Variants in SRSF12 observed in about 807,000 individuals in gnomAD.
SRSF12 encodes serine and arginine rich splicing factor 12, also known as serine/arginine-rich splicing factor 12.
Under a neutral mutation model 34.1 loss-of-function variants are expected in SRSF12, and 21 were observed. The ratio of observed to expected loss-of-function variants is 0.62; its 90% CI spans 0.44 to 0.89. The LOEUF (loss-of-function observed/expected upper bound fraction) is 0.89. SRSF12 is among the 40% of genes least tolerant of loss of function. The pLI is 0.00. For missense variants in SRSF12, 278 were observed against 327.8 expected, an observed-to-expected ratio of 0.85 and a Z score of 1.17; for synonymous variants, 111 against 110.8, an observed-to-expected ratio of 1.00 and a Z score of -0.01.
At chr6:89,106,872 G>A (rs548659258) in intron 2 of SRSF12, 4 of 444,446 alleles carry the variant, frequency 9.0e-6, no homozygotes, top group Non-Finnish European at 1.7e-5. Context: ...CCTCTTCCAG[G>A]TCTTTATATC....
At chr6:89,114,475 T>C (rs12661431) in intron 1 of SRSF12, among the ~76,000 whole-genome samples, 9,566 of 152,218 alleles carry the variant, frequency 0.063, 875 homozygotes, top group African/African-American at 0.2. Context: ...ATAGGGTTAC[T>C]GCGAAAATTT....
rs749373281 is a variant in SRSF12, at chr6:89,117,911, G to C, written c.-24C>G. ...ATGACCGCTTCCTCCGTTCCCTCCG[G>C]GTCTGCCCGCGGCCGCTGGACTCGC... is the stretch of plus-strand genomic sequence containing the variant. On this transcript the variant is annotated 5_prime_UTR_variant, in exon 1 of 5. Coordinates refer to ENST00000452027, the MANE Select transcript of SRSF12 (RefSeq NM_080743.5). 22 of 1,555,040 alleles carry C rather than the reference G, an allele frequency of 1.4e-5. No homozygotes were observed. The highest frequency in any genetic ancestry group is 8.0e-5 in the East Asian group (3 of 37,290).
chr6:89,115,917 G>A (rs1264082860), intron 1 of SRSF12, among the ~76,000 whole-genome samples: 2 of 152,154 alleles, frequency 1.3e-5, no homozygotes, highest in Non-Finnish European at 2.9e-5. Flanking sequence ...TTACAGGCAT[G>A]AGCCACCGCA....
At chr6:89,111,629 A>G (rs926181297) in intron 1 of SRSF12, among the ~76,000 whole-genome samples, 11 of 152,078 alleles carry the variant, frequency 7.2e-5, no homozygotes, top group Admixed American at 5.2e-4. Flanking sequence ...TGTATTTTAT[A>G]TCTTTTTTCT....
At chr6:89,104,701 T>C (rs1234328890) in intron 4 of SRSF12, among the ~76,000 whole-genome samples, 1 of 152,076 alleles carries the variant, frequency 6.6e-6, no homozygotes, top group Non-Finnish European at 1.5e-5. Context: ...TTAACAAAAA[T>C]TGATTATGTT....
chr6:89,116,146 T>A (rs1769284296), intron 1 of SRSF12, among the ~76,000 whole-genome samples: 1 of 152,222 alleles, frequency 6.6e-6, no homozygotes, highest in Admixed American at 6.5e-5. Context: ...TCTATTTCTA[T>A]TTGATAGTCC....
chr6:89,099,790 C>T (rs1428483050), intron 4 of SRSF12, among the ~76,000 whole-genome samples: 1 of 152,104 alleles, frequency 6.6e-6, no homozygotes, highest in Non-Finnish European at 1.5e-5. Flanking sequence ...CTGCCTCGGC[C>T]TCCTAAAGTG....
At chr6:89,110,780 G>A (rs1278131217) in intron 1 of SRSF12, among the ~76,000 whole-genome samples, 1 of 152,006 alleles carries the variant, frequency 6.6e-6, no homozygotes, top group Non-Finnish European at 1.5e-5. Flanking sequence ...ATGTTCTTCA[G>A]AGTGGCCCAA....
chr6:89,107,142 A>T lies in SRSF12; in HGVS notation c.170+12T>A. 1 of 1,610,494 alleles carries T rather than the reference A, an allele frequency of 6.2e-7. No individual in the cohort carries two copies. On this transcript the variant is annotated intron_variant, in intron 2 of 4. Coordinates refer to ENST00000452027, the MANE Select transcript of SRSF12 (RefSeq NM_080743.5). ...CAGTATATTCACATGCACACAATAA[A>T]ATAAAGGATATTGAACATAAGCAAA...
intron 4 of SRSF12, among the ~76,000 whole-genome samples, chr6:89,099,215 C>G (rs1562191371): frequency 6.6e-6 from 1 of 151,540 alleles, no homozygotes; most frequent in East Asian, 1.9e-4. Flanking sequence ...CATATTTGGT[C>G]TGAGTTATAC....
At chr6:89,104,593 A>G (rs1348514417) in intron 4 of SRSF12, among the ~76,000 whole-genome samples, 1 of 149,570 alleles carries the variant, frequency 6.7e-6, no homozygotes, top group East Asian at 1.9e-4. Context: ...CTTCTCATGT[A>G]AAAAGATAAA....
intron 1 of SRSF12, among the ~76,000 whole-genome samples, chr6:89,114,854 T>C (rs1430308323): frequency 6.6e-6 from 1 of 152,270 alleles, no homozygotes; most frequent in East Asian, 1.9e-4. Flanking sequence ...TGGAGTGCAA[T>C]GGTACTATCT....
rs1562191966 is a variant in SRSF12 at position 89,099,439 on chromosome 6, T to TATATATGTGTGTATATATAC, written c.417-493_417-492insGTATATATACACACATATAT. Among the ~76,000 whole-genome samples the TATATATGTGTGTATATATAC allele has an allele frequency of 4.7e-3, 593 of 127,426 alleles. 20 individuals carry two copies. Among genetic ancestry groups the TATATATGTGTGTATATATAC allele is most frequent in the African/African-American group, 0.018 (564 of 31,414 alleles). The allele number at this position is 127,426 out of a possible 152,430, so 83.6% of individuals were successfully genotyped here. On this transcript the variant is annotated intron_variant, in intron 4 of 4. Coordinates refer to ENST00000452027, the MANE Select transcript of SRSF12 (RefSeq NM_080743.5). ...ACATATATATATGTGTGTATATATA[T>TATATATGTGTGTATATATAC]ACACATATATATGTGTGTATATATG...
chr6:89,117,773 G>A (rs1473579555), intron 1 of SRSF12, 50 bp downstream of exon 1: 1 of 1,507,708 alleles, frequency 6.6e-7, no homozygotes, highest in Non-Finnish European at 8.9e-7. Flanking sequence ...CGGCGCGGCT[G>A]TTACCCCGCC....
intron 1 of SRSF12, among the ~76,000 whole-genome samples, chr6:89,115,127 T>A (rs892000897): frequency 6.6e-6 from 1 of 150,774 alleles, no homozygotes; most frequent in Non-Finnish European, 1.5e-5. Flanking sequence ...TCTCTAAAGG[T>A]CTCTCTGTCA....
At chr6:89,112,842 G>C (rs538813926) in intron 1 of SRSF12, among the ~76,000 whole-genome samples, 2 of 152,216 alleles carry the variant, frequency 1.3e-5, no homozygotes, top group African/African-American at 4.8e-5. Flanking sequence ...TAACAAAGCT[G>C]TCCTAGACAG....
At chr6:89,099,047 TA>T in intron 4 of SRSF12, 100 bp from the exon 5 acceptor site, 2 of 1,356,462 alleles carry the variant, frequency 1.5e-6, no homozygotes, top group Non-Finnish European at 9.8e-7. Flanking sequence ...ACATTAGTTA[TA>T]TTTTTACTAG....
At chr6:89,111,269 T>C (rs1769037116) in intron 1 of SRSF12, among the ~76,000 whole-genome samples, 1 of 152,174 alleles carries the variant, frequency 6.6e-6, no homozygotes, top group Non-Finnish European at 1.5e-5. Flanking sequence ...CCAGCACACC[T>C]TGTTTATTCT....
At chr6:89,100,837 G>A (rs898950572) in intron 4 of SRSF12, among the ~76,000 whole-genome samples, 66 of 152,214 alleles carry the variant, frequency 4.3e-4, no homozygotes, top group African/African-American at 1.5e-3. Context: ...ACTGGGTGCA[G>A]TGGCTCATGC....
Sources: allele counts gnomAD v4.1 joint callset (sites outside exome capture counted in the v4.1 genomes callset), GRCh38; gene constraint gnomAD v4.1.1; transcripts MANE v1.5; gene names NCBI Gene and HGNC (gene_info 2026-07-23, HGNC 2026-07-21).